The following DSCAM variants were observed in gnomAD, a reference collection of about 807,000 sequenced individuals.
DSCAM encodes the protein cell adhesion molecule DSCAM.
DSCAM carries 47 observed loss-of-function variants against 217.7 expected under a neutral mutation model. The observed-to-expected ratio is 0.22, with a 90% confidence interval of 0.17 to 0.28. DSCAM has a LOEUF of 0.28. Ranked by LOEUF, DSCAM falls within the 10% of genes least tolerant of loss-of-function variation. DSCAM has a pLI of 1.00. For missense variants in DSCAM, 2,080 were observed against 2,618.3 expected (o/e 0.79, Z 4.49); for synonymous variants, 1,056 against 1,015.3 (o/e 1.04, Z -0.76).
chr21:40,524,359 G>C (rs1194045108), intron 3 of DSCAM, among the ~76,000 whole-genome samples: 1 of 151,612 alleles, frequency 6.6e-6, no homozygotes, highest in Non-Finnish European at 1.5e-5. Context: ...CCTTTTCTAT[G>C]TTTTTATTTT....
intron 3 of DSCAM, among the ~76,000 whole-genome samples, chr21:40,640,920 C>T (rs2089869838): frequency 6.6e-6 from 1 of 152,130 alleles, no homozygotes; most frequent in Non-Finnish European, 1.5e-5. Flanking sequence ...GTGTTTTACA[C>T]AGTACGTGAA....
intron 20 of DSCAM, among the ~76,000 whole-genome samples, chr21:40,118,243 G>C (rs2089994943): frequency 6.6e-6 from 1 of 152,240 alleles, no homozygotes; most frequent in Non-Finnish European, 1.5e-5. Context: ...GAGCCTGGCA[G>C]TGGGAAGGCT....
chr21:40,773,359 T>C (rs1243453425), intron 1 of DSCAM, among the ~76,000 whole-genome samples: 4 of 152,196 alleles, frequency 2.6e-5, no homozygotes, highest in African/African-American at 7.2e-5. Flanking sequence ...TACTTTGGCT[T>C]GTAGACACAC....
chr21:40,222,533 C>A (rs1303598164), intron 11 of DSCAM, among the ~76,000 whole-genome samples: 1 of 152,178 alleles, frequency 6.6e-6, no homozygotes, highest in Non-Finnish European at 1.5e-5. Context: ...CCAACTACAC[C>A]TCTGTGCGAA....
At chr21:40,766,911 C>T (rs989745667) in intron 1 of DSCAM, among the ~76,000 whole-genome samples, 3 of 152,048 alleles carry the variant, frequency 2.0e-5, no homozygotes, top group African/African-American at 7.2e-5. Context: ...ATCTCGAACT[C>T]CTGACCTCAG....
At chr21:40,568,312 T>C (rs1163347263) in intron 3 of DSCAM, among the ~76,000 whole-genome samples, 1 of 152,190 alleles carries the variant, frequency 6.6e-6, no homozygotes, top group Non-Finnish European at 1.5e-5. Context: ...TTCAAATATA[T>C]ATATTTTTTT....
chr21:40,823,321 A>G (rs963067752), intron 1 of DSCAM, among the ~76,000 whole-genome samples: 1 of 152,136 alleles, frequency 6.6e-6, no homozygotes, highest in South Asian at 2.1e-4. Flanking sequence ...CTGCTCAACG[A>G]AAAAGTGAGG....
At chr21:40,693,030 TATAC>T (rs1381840391) in intron 2 of DSCAM, 74 bp from the exon 3 acceptor site, 1 of 1,516,634 alleles carries the variant, frequency 6.6e-7, no homozygotes, top group African/African-American at 1.4e-5. Context: ...CACTGTAATA[TATAC>T]ACTGCAGCAC....
chr21:40,182,419 A>G (rs1181000926), intron 14 of DSCAM, among the ~76,000 whole-genome samples: 2 of 151,974 alleles, frequency 1.3e-5, no homozygotes, highest in Non-Finnish European at 2.9e-5. Flanking sequence ...GGTGTGACAG[A>G]GCTTGCCATG....
At chr21:40,280,144 C>A (rs1377534335) in intron 10 of DSCAM, among the ~76,000 whole-genome samples, 1 of 149,246 alleles carries the variant, frequency 6.7e-6, no homozygotes. Flanking sequence ...AAAAAAAAAC[C>A]TTAATTCATA....
chr21:40,189,172 C>G lies in DSCAM; in HGVS notation c.2423G>C (p.Ser808Thr). The change falls in exon 12 of 33, where the codon AGC (serine) becomes ACC (threonine). Residue 808 changes from serine (S) to threonine (T), a missense_variant. Around this residue, in one of 5 missense-constraint regions of DSCAM, gnomAD observed 1,144 missense variants for 1,421.1 expected, o/e 0.81. Transcript: ENST00000400454. ...GGGCTTCTCACCATGCGCCGTGCAG[C>G]TCATCTCCTTTTTCTGCCCCTGCGT... is the stretch of plus-strand genomic sequence containing the variant. ...LATQGQKKEM[S>T]CTAHGEKPII... 1 of 1,613,666 alleles carries G rather than the reference C, an allele frequency of 6.2e-7. No homozygotes were observed. Among genetic ancestry groups the G allele is most frequent in the Non-Finnish European group, 8.5e-7 (1 of 1,179,910 alleles).
chr21:40,839,685 G>A (rs2092084816), intron 1 of DSCAM, among the ~76,000 whole-genome samples: 2 of 151,970 alleles, frequency 1.3e-5, no homozygotes, highest in Non-Finnish European at 2.9e-5. Context: ...GAGCTGGGAC[G>A]TTAGGGGAAG....
intron 4 of DSCAM, among the ~76,000 whole-genome samples, chr21:40,364,125 C>T (rs1420457243): frequency 6.6e-6 from 1 of 152,134 alleles, no homozygotes; most frequent in African/African-American, 2.4e-5. Context: ...TGTGGCGATT[C>T]CTCAGGGATC....
At chr21:40,186,405 A>C (rs1300216469) in intron 14 of DSCAM, among the ~76,000 whole-genome samples, 1 of 152,168 alleles carries the variant, frequency 6.6e-6, no homozygotes, top group Admixed American at 6.5e-5. Flanking sequence ...CGAATTCCTC[A>C]TATCTTTTAT....
intron 1 of DSCAM, among the ~76,000 whole-genome samples, chr21:40,748,713 C>G (rs1005601204): frequency 2.6e-5 from 4 of 151,984 alleles, no homozygotes; most frequent in African/African-American, 9.7e-5. Flanking sequence ...TGACATTCTT[C>G]ACTGCAATAG....
chr21:40,310,515 A>C (rs1027327567), intron 9 of DSCAM, among the ~76,000 whole-genome samples: 4 of 152,280 alleles, frequency 2.6e-5, no homozygotes, highest in African/African-American at 9.6e-5. Flanking sequence ...TGGAGACATC[A>C]GTCATATCAT....
intron 3 of DSCAM, among the ~76,000 whole-genome samples, chr21:40,660,548 A>C (rs1425873843): frequency 6.6e-6 from 1 of 152,234 alleles, no homozygotes; most frequent in Non-Finnish European, 1.5e-5. Flanking sequence ...GTTCTATTTG[A>C]GCCTTGTTCA....
intron 1 of DSCAM, among the ~76,000 whole-genome samples, chr21:40,729,581 A>G (rs139084344): frequency 1.2e-3 from 190 of 152,340 alleles, no homozygotes; most frequent in African/African-American, 3.8e-3. Context: ...TTCAGTAATC[A>G]GATCTTTAAG....
intron 3 of DSCAM, among the ~76,000 whole-genome samples, chr21:40,503,801 T>G (rs141945592): frequency 1.3e-5 from 2 of 152,390 alleles, no homozygotes; most frequent in Admixed American, 6.5e-5. Flanking sequence ...GATTTGGTTT[T>G]GGTTTTAGTT....
Sources: allele counts gnomAD v4.1 joint callset (sites outside exome capture counted in the v4.1 genomes callset), GRCh38; gene constraint gnomAD v4.1.1; regional missense constraint gnomAD v4.1.1; transcripts MANE v1.5; gene names NCBI Gene and HGNC (gene_info 2026-07-23, HGNC 2026-07-21).